TRPC6: variants seen among roughly 807,000 people sequenced by gnomAD.
TRPC6 encodes transient receptor potential cation channel subfamily C member 6, also known as short transient receptor potential channel 6.
In TRPC6, 55 loss-of-function variants were observed where a neutral mutation model predicts 90.7. The ratio of observed to expected loss-of-function variants is 0.61; its 90% CI spans 0.49 to 0.76. TRPC6 has a LOEUF of 0.76. Among genes scored for constraint, TRPC6 ranks in the 30% least tolerant of loss-of-function variants. The pLI is 0.00. For synonymous variants in TRPC6, 393 were observed against 393.0 expected (o/e 1.00, Z 0.00); for missense variants, 989 against 1,122.7 (o/e 0.88, Z 1.70).
chr11:101,519,318 C>CCTA (rs10675951), intron 1 of TRPC6, among the ~76,000 whole-genome samples: 74,499 of 151,550 alleles, frequency 0.49, 18,651 homozygotes, highest in African/African-American at 0.56. Flanking sequence ...AATATATACA[C>CCTA]CTATGTACCC....
chr11:101,453,233 A>C, intron 12 of TRPC6, 127 bp from the exon 13 acceptor site: 1 of 961,766 alleles, frequency 1.0e-6, no homozygotes, highest in Non-Finnish European at 1.6e-6. Flanking sequence ...TTGAAAGGAA[A>C]TAACTTCCTA....
intron 6 of TRPC6, among the ~76,000 whole-genome samples, chr11:101,474,953 T>C (rs1336450059): frequency 3.9e-5 from 6 of 152,306 alleles, no homozygotes; most frequent in South Asian, 4.1e-4. Flanking sequence ...TGGTCCTCCA[T>C]GGAAGATCTC....
At chr11:101,517,035 C>T (rs1206606439) in intron 1 of TRPC6, among the ~76,000 whole-genome samples, 1 of 152,224 alleles carries the variant, frequency 6.6e-6, no homozygotes, top group Non-Finnish European at 1.5e-5. Flanking sequence ...CTGAAAGCTA[C>T]ATAATATGAA....
At chr11:101,566,347 T>C (rs1223100850) in intron 1 of TRPC6, among the ~76,000 whole-genome samples, 1 of 152,204 alleles carries the variant, frequency 6.6e-6, no homozygotes, top group Non-Finnish European at 1.5e-5. Flanking sequence ...GATAATGAGC[T>C]TTGGTCTCAG....
intron 10 of TRPC6, among the ~76,000 whole-genome samples, chr11:101,465,945 T>A (rs569019634): frequency 6.6e-6 from 1 of 152,342 alleles, no homozygotes; most frequent in Admixed American, 6.5e-5. Flanking sequence ...TGTGGATTTA[T>A]CTACCTTTCG....
intron 2 of TRPC6, among the ~76,000 whole-genome samples, chr11:101,493,892 C>G (rs1317180258): frequency 6.6e-6 from 1 of 152,150 alleles, no homozygotes; most frequent in Non-Finnish European, 1.5e-5. Flanking sequence ...GGGCTCCTTT[C>G]TGTAAATTAT....
At chr11:101,500,888 G>A (rs866321596) in intron 2 of TRPC6, among the ~76,000 whole-genome samples, 20 of 152,118 alleles carry the variant, frequency 1.3e-4, no homozygotes, top group African/African-American at 4.3e-4. Flanking sequence ...AATCATTACA[G>A]CATTTAGAGT....
intron 5 of TRPC6, among the ~76,000 whole-genome samples, chr11:101,478,282 A>T (rs1859460576): frequency 6.6e-6 from 1 of 152,222 alleles, no homozygotes; most frequent in Admixed American, 6.5e-5. Flanking sequence ...GTTTCAAGTT[A>T]AGAGGGGACT....
intron 8 of TRPC6, 31 bp from the exon 9 acceptor site, chr11:101,471,417 G>A: frequency 1.2e-6 from 2 of 1,608,630 alleles, no homozygotes; most frequent in South Asian, 1.1e-5. Context: ...GTTCAGCAAG[G>A]AAATGCATAA....
At chr11:101,483,562 A>G (rs184712418) in intron 4 of TRPC6, among the ~76,000 whole-genome samples, 6 of 152,332 alleles carry the variant, frequency 3.9e-5, no homozygotes, top group Admixed American at 3.3e-4. Context: ...TGCCAGGTAT[A>G]GAACCTTGGT....
intron 1 of TRPC6, among the ~76,000 whole-genome samples, chr11:101,560,653 A>C (rs1259012268): frequency 1.2e-5 from 1 of 83,066 alleles, no homozygotes; most frequent in Admixed American, 1.1e-4. Flanking sequence ...CAGTGTGATT[A>C]AAAAAAAAAT....
intron 2 of TRPC6, among the ~76,000 whole-genome samples, chr11:101,497,333 G>C (rs934681243): frequency 6.6e-6 from 1 of 152,132 alleles, no homozygotes; most frequent in Non-Finnish European, 1.5e-5. Flanking sequence ...AGACTATTTT[G>C]CTTGTGACAC....
chr11:101,570,665 T>G (rs1861942190), intron 1 of TRPC6, among the ~76,000 whole-genome samples: 1 of 152,158 alleles, frequency 6.6e-6, no homozygotes, highest in Admixed American at 6.5e-5. Flanking sequence ...ATCAAAAAGC[T>G]TATCCACTAT....
chr11:101,454,142 TTTTTA>T (rs1256825115), intron 11 of TRPC6, among the ~76,000 whole-genome samples: 2 of 152,164 alleles, frequency 1.3e-5, no homozygotes, highest in Admixed American at 1.3e-4. Context: ...ATGGAACCAA[TTTTTA>T]TTTTAAACTT....
chr11:101,533,219 G>C (rs765488237), intron 1 of TRPC6, among the ~76,000 whole-genome samples: 5 of 152,110 alleles, frequency 3.3e-5, no homozygotes, highest in African/African-American at 1.2e-4. Flanking sequence ...AAGAAAAGAA[G>C]TTTAATTGGT....
intron 1 of TRPC6, among the ~76,000 whole-genome samples, chr11:101,569,770 CTG>C (rs1416999614): frequency 2.6e-5 from 4 of 152,136 alleles, no homozygotes; most frequent in Admixed American, 1.3e-4. Context: ...TGAATGACTA[CTG>C]TGTAAATAAC....
At chr11:101,453,184 A>G (rs1367866986) in intron 12 of TRPC6, 78 bp from the exon 13 acceptor site, 2 of 1,339,520 alleles carry the variant, frequency 1.5e-6, no homozygotes, top group African/African-American at 1.5e-5. Context: ...ACAGGAGGAA[A>G]TCAGCTCTAA....
intron 1 of TRPC6, among the ~76,000 whole-genome samples, chr11:101,550,329 A>G (rs1565239675): frequency 6.6e-6 from 1 of 151,640 alleles, no homozygotes; most frequent in Non-Finnish European, 1.5e-5. Context: ...CATTAAATTA[A>G]AAAAGACGCA....
intron 1 of TRPC6, among the ~76,000 whole-genome samples, chr11:101,581,453 AT>A (rs1272772806): frequency 6.6e-6 from 1 of 152,162 alleles, no homozygotes; most frequent in African/African-American, 2.4e-5. Flanking sequence ...TAATCAAATC[AT>A]TTTTTGACAG....
Sources: allele counts gnomAD v4.1 joint callset (sites outside exome capture counted in the v4.1 genomes callset), GRCh38; gene constraint gnomAD v4.1.1; transcripts MANE v1.5; gene names NCBI Gene and HGNC (gene_info 2026-07-23, HGNC 2026-07-21).